The following GABRB1 variants were observed in gnomAD, a reference collection of about 807,000 sequenced individuals.
The protein encoded by GABRB1 is gamma-aminobutyric acid receptor subunit beta-1.
A neutral mutation model predicts 51.6 loss-of-function variants in GABRB1; 17 were observed. The observed-to-expected ratio is 0.33, with a 90% CI of 0.23 to 0.49. The LOEUF is 0.49. GABRB1 is among the 20% of genes least tolerant of loss of function. The pLI, the probability that GABRB1 is intolerant of heterozygous loss-of-function variation, is 0.99. For missense variants in GABRB1, 410 were observed against 600.6 expected, an observed-to-expected ratio of 0.68 and a Z score of 3.32; for synonymous variants, 247 against 218.9, an observed-to-expected ratio of 1.13 and a Z score of -1.14.
intron 4 of GABRB1, among the ~76,000 whole-genome samples, chr4:47,166,756 A>G (rs1473173952): frequency 1.3e-5 from 2 of 152,086 alleles, no homozygotes; most frequent in Admixed American, 6.6e-5. Flanking sequence ...AAATTCAAAT[A>G]TAACTGGGAA....
intron 8 of GABRB1, among the ~76,000 whole-genome samples, chr4:47,425,298 G>T (rs933401694): frequency 6.6e-6 from 1 of 151,928 alleles, no homozygotes; most frequent in Non-Finnish European, 1.5e-5. Context: ...GACTCTGAAG[G>T]TGAGATTATG....
chr4:47,168,897 T>A (rs1718319298), intron 4 of GABRB1, among the ~76,000 whole-genome samples: 1 of 152,082 alleles, frequency 6.6e-6, no homozygotes, highest in Non-Finnish European at 1.5e-5. Context: ...TTTTGGTGCA[T>A]AAATAGCCAT....
intron 4 of GABRB1, among the ~76,000 whole-genome samples, chr4:47,219,083 C>A (rs549284789): frequency 6.6e-6 from 1 of 151,914 alleles, no homozygotes; most frequent in African/African-American, 2.4e-5. Flanking sequence ...CCCTCCTATT[C>A]CTCACTTCTT....
chr4:47,351,960 T>C (rs1211724574), intron 5 of GABRB1, among the ~76,000 whole-genome samples: 1 of 152,062 alleles, frequency 6.6e-6, no homozygotes, highest in African/African-American at 2.4e-5. Flanking sequence ...GTATTTCTAG[T>C]TCTAGATCCC....
intron 8 of GABRB1, among the ~76,000 whole-genome samples, chr4:47,423,367 A>G (rs1729151625): frequency 6.6e-6 from 1 of 152,206 alleles, no homozygotes; most frequent in South Asian, 2.1e-4. Flanking sequence ...CTGCTCTCTG[A>G]GGCCCCATAG....
At position 47,061,934 on chromosome 4, in the gene GABRB1, C is replaced by A. The variant is rs183994509; in HGVS notation, c.240+29450C>A. Among the ~76,000 whole-genome samples, 43 of 152,152 alleles carry A rather than the reference C, an allele frequency of 2.8e-4. 1 individual carries two copies. Among genetic ancestry groups the A allele is most frequent in the Admixed American group, 2.5e-3 (38 of 15,268 alleles). On this transcript the variant is annotated intron_variant, in intron 3 of 8. Transcript: ENST00000295454. ...TAATATTCATTCTTATTTTTCATTCCCACGTTGAATTCTGCATTCTATAAT... is the reference window on the plus strand; with the variant it reads ...TAATATTCATTCTTATTTTTCATTCACACGTTGAATTCTGCATTCTATAAT...
At chr4:47,173,738 C>T (rs955904416) in intron 4 of GABRB1, among the ~76,000 whole-genome samples, 1 of 152,132 alleles carries the variant, frequency 6.6e-6, no homozygotes, top group Non-Finnish European at 1.5e-5. Flanking sequence ...TCTTGTGCCC[C>T]TGTTCTCTCT....
In GABRB1 at chr4:47,378,340, C is replaced by G. The variant is rs906675485; in HGVS notation, c.545-24978C>G. On this transcript the variant is annotated intron_variant, in intron 5 of 8. Transcript: ENST00000295454. Reference sequence around the variant, plus strand: ...TGGCGCGCCGGCAGGGCCGGCCGGCCGCTCCAAGTGCGGGGCTTGCCAAGC... The same window carrying G: ...TGGCGCGCCGGCAGGGCCGGCCGGCGGCTCCAAGTGCGGGGCTTGCCAAGC... Among the ~76,000 whole-genome samples, 5 of 152,334 alleles carry G rather than the reference C, an allele frequency of 3.3e-5. No individual in the cohort carries two copies. The South Asian group carries it at 6.2e-4, about 19-fold the overall frequency.
At chr4:47,113,966 T>A (rs1715354678) in intron 3 of GABRB1, among the ~76,000 whole-genome samples, 1 of 152,150 alleles carries the variant, frequency 6.6e-6, no homozygotes, top group Non-Finnish European at 1.5e-5. Context: ...AGCCAGAAAA[T>A]AAGGTATGTG....
intron 4 of GABRB1, among the ~76,000 whole-genome samples, chr4:47,245,104 C>T (rs1281386946): frequency 3.3e-5 from 5 of 151,742 alleles, no homozygotes; most frequent in African/African-American, 1.2e-4. Flanking sequence ...GCTAGCAAGA[C>T]TAATAAAGAA....
At chr4:47,010,693 A>G (rs1724557922) in intron 1 of GABRB1, among the ~76,000 whole-genome samples, 1 of 152,190 alleles carries the variant, frequency 6.6e-6, no homozygotes, top group East Asian at 1.9e-4. Flanking sequence ...CAAAGCTGGA[A>G]TGTTGTTGGC....
At chr4:47,089,274 C>G (rs935918953) in intron 3 of GABRB1, among the ~76,000 whole-genome samples, 2 of 152,186 alleles carry the variant, frequency 1.3e-5, no homozygotes, top group Non-Finnish European at 1.5e-5. Flanking sequence ...GTTCACCATT[C>G]TCCCTTCTTG....
chr4:47,164,681 T>G (rs1346965165), intron 4 of GABRB1, among the ~76,000 whole-genome samples: 2 of 152,032 alleles, frequency 1.3e-5, no homozygotes, highest in African/African-American at 4.8e-5. Flanking sequence ...CTCGGTAAGC[T>G]CAATATGAGA....
At chr4:47,406,977 A>G (rs1728596067) in intron 8 of GABRB1, 51 bp downstream of exon 8, 4 of 1,560,296 alleles carry the variant, frequency 2.6e-6, no homozygotes, top group African/African-American at 2.7e-5. Flanking sequence ...TATCAGCATC[A>G]TGATGCCTCG....
intron 7 of GABRB1, 58 bp downstream of exon 7, chr4:47,403,769 A>G (rs1728478893): frequency 6.4e-7 from 1 of 1,552,520 alleles, no homozygotes; most frequent in East Asian, 2.2e-5. Context: ...ACAAATAACC[A>G]ATATCAGGAA....
chr4:47,047,386 G>A (rs1726143546), intron 3 of GABRB1, among the ~76,000 whole-genome samples: 1 of 151,962 alleles, frequency 6.6e-6, no homozygotes, highest in Admixed American at 6.6e-5. Flanking sequence ...GCAACCATAT[G>A]AAGTATATAT....
At position 47,327,880 on chromosome 4, in the gene GABRB1, C is replaced by T. The variant is rs1050368065; in HGVS notation, c.544+7671C>T. Among the ~76,000 whole-genome samples, 20 of 152,292 alleles carry T rather than the reference C, an allele frequency of 1.3e-4. 1 individual carries two copies. The highest frequency in any genetic ancestry group is 4.6e-4 in the Admixed American group (7 of 15,296). ...TTCTAGTTCTAGATCCCTGAGGAATCGCCACACTGACTTCCACAATGGTTG... is the reference window on the plus strand; with the variant it reads ...TTCTAGTTCTAGATCCCTGAGGAATTGCCACACTGACTTCCACAATGGTTG... On this transcript the variant is annotated intron_variant, in intron 5 of 8. Transcript: ENST00000295454.
chr4:47,371,839 AC>A (rs1727209893), intron 5 of GABRB1, among the ~76,000 whole-genome samples: 1 of 151,900 alleles, frequency 6.6e-6, no homozygotes, highest in Non-Finnish European at 1.5e-5. Context: ...TGGATATTAG[AC>A]CTTTGTCAGA....
intron 5 of GABRB1, among the ~76,000 whole-genome samples, chr4:47,328,686 A>G (rs1476368638): frequency 6.6e-6 from 1 of 151,938 alleles, no homozygotes; most frequent in Non-Finnish European, 1.5e-5. Flanking sequence ...CAAACACCGC[A>G]TGTTCTCACT....
Sources: allele counts gnomAD v4.1 joint callset (sites outside exome capture counted in the v4.1 genomes callset), GRCh38; gene constraint gnomAD v4.1.1; transcripts MANE v1.5; gene names NCBI Gene and HGNC (gene_info 2026-07-23, HGNC 2026-07-21).